Variants in MYO15B observed in about 807,000 individuals in gnomAD.
The protein encoded by MYO15B is myosin XVB.
In MYO15B, 207 loss-of-function variants were observed where a neutral mutation model predicts 119.3. That is an observed-to-expected ratio of 1.73 (90% CI 1.55 to 1.95). The LOEUF is 1.95. Ranked by LOEUF, MYO15B falls within the 30% of genes most tolerant of loss-of-function variation. The pLI, the probability that MYO15B is intolerant of heterozygous loss-of-function variation, is 0.00. For missense variants in MYO15B, 2,264 were observed against 1,203.1 expected, an observed-to-expected ratio of 1.88 and a Z score of -13.04; for synonymous variants, 966 against 498.9, an observed-to-expected ratio of 1.94 and a Z score of -12.48.
exon 36 of MYO15B, chr17:75,615,791 C>A (rs758002562): frequency 2.8e-6 from 2 of 702,486 alleles, no homozygotes; most frequent in Non-Finnish European, 5.2e-6. Flanking sequence ...CGTCCCAGGC[C>A]TCACCCTCAG....
At chr17:75,590,458 C>T (rs1238650792) in intron 1 of MYO15B, 168 bp from the exon 2 acceptor site, 4 of 395,774 alleles carry the variant, frequency 1.0e-5, no homozygotes, top group African/African-American at 2.1e-5. Context: ...TGGGTCAGAG[C>T]CAGCCCTCCT....
Position 75,614,589 on chromosome 17 carries a change from G to A in MYO15B, c.5388G>A (p.Glu1796=), listed in dbSNP as rs556596235. 3 of 700,914 alleles carry A rather than the reference G, an allele frequency of 4.3e-6. No homozygotes were observed. The East Asian group carries it at 8.0e-5, about 19-fold the overall frequency. The allele number at this position is 700,914 out of a possible 1,614,324, so 43.4% of individuals were successfully genotyped here. ...TGGATCCCGTTTCCTGCAGAGCCGA[G>A]GCCATTCCCCTTGCCCCTGGCATTC... Residue 1796 remains glutamate (E), a synonymous_variant, in exon 31 of 64, where the codon GAG becomes GAA. Coordinates refer to ENST00000645453, the Ensembl canonical transcript of MYO15B.
At chr17:75,596,701 T>C in intron 13 of MYO15B, 67 bp from the exon 14 acceptor site, 1 of 676,200 alleles carries the variant, frequency 1.5e-6, no homozygotes, top group Non-Finnish European at 2.7e-6. Context: ...AGCCTCAATG[T>C]ACTATTCTAT....
intron 44 of MYO15B, 44 bp downstream of exon 44, chr17:75,619,262 G>A (rs1034184245): frequency 2.8e-6 from 2 of 702,620 alleles, no homozygotes; most frequent in Non-Finnish European, 5.2e-6. Flanking sequence ...GAGTGCTGGG[G>A]GCCGCGCCTG....
At chr17:75,615,840 G>A in exon 36 of MYO15B, 1 of 701,926 alleles carries the variant, frequency 1.4e-6, no homozygotes, top group South Asian at 1.5e-5. Flanking sequence ...CACACCCCCG[G>A]AGAAGCCACA....
intron 21 of MYO15B, chr17:75,606,982 T>C (rs982177065): frequency 4.8e-5 from 19 of 398,506 alleles, no homozygotes; most frequent in African/African-American, 3.9e-4. Flanking sequence ...GTCTGCCTCA[T>C]CTACCCTTGG....
Position 75,594,802 on chromosome 17 carries a change from A to T in MYO15B, c.3165-38A>T, listed in dbSNP as rs759038233. 1.1e-4 allele frequency: 76 copies of T among 702,808 alleles called. No homozygotes were observed. In the Admixed American group the frequency reaches 1.1e-3, roughly 10 times the overall value. The allele number at this position is 702,808 out of a possible 1,614,324, so 43.5% of individuals were successfully genotyped here. A position where few individuals can be genotyped will look rare whatever the true frequency, so the allele number is the denominator to read the frequency against. On this transcript the variant is annotated intron_variant, in intron 11 of 63. Coordinates refer to ENST00000645453, the Ensembl canonical transcript of MYO15B. ...TGAGAGTCAGAGCAGGGCCCGAGGC[A>T]CGGCTCTATGTGGCTCACCCACCCG...
chr17:75,614,604 C>T (rs2058247648), exon 31 of MYO15B: 1 of 701,184 alleles, frequency 1.4e-6, no homozygotes, highest in South Asian at 1.5e-5. Flanking sequence ...TTCCCCTTGC[C>T]CCTGGCATTC....
intron 21 of MYO15B, among the ~76,000 whole-genome samples, chr17:75,608,726 T>TTTGTTG (rs141390322): frequency 4.9e-4 from 75 of 151,594 alleles, no homozygotes; most frequent in Non-Finnish European, 7.7e-4. Context: ...CCCGGCTAAT[T>TTTGTTG]TTGTTGTTGT....
chr17:75,609,295 C>T (rs2057854324), intron 21 of MYO15B, among the ~76,000 whole-genome samples: 1 of 151,668 alleles, frequency 6.6e-6, no homozygotes, highest in South Asian at 2.1e-4. Context: ...CCTCAGCCTC[C>T]CAAGTAGCTA....
At chr17:75,615,364 G>A (rs574827926) in intron 34 of MYO15B, 26 bp downstream of exon 34, 2 of 700,144 alleles carry the variant, frequency 2.9e-6, no homozygotes, top group African/African-American at 3.5e-5. Context: ...GGGCACCAGA[G>A]TCCCTTCTCA....
chr17:75,588,056 C>G (rs2056177512), exon 1 of MYO15B: 1 of 398,330 alleles, frequency 2.5e-6, no homozygotes, highest in Admixed American at 4.4e-5. Context: ...TTTGGGCCAG[C>G]CATGGGCAGG....
rs763427431 is a variant in MYO15B at position 75,616,824 on chromosome 17, C to A, written c.6506+39C>A. 38 of 702,938 alleles carry A rather than the reference C, an allele frequency of 5.4e-5. No individual in the cohort carries two copies. In the African/African-American group the frequency reaches 6.1e-4, roughly 11 times the overall value. 43.5% of individuals were successfully genotyped at this position (702,938 alleles called of 1,614,324 possible). A position where few individuals can be genotyped will look rare whatever the true frequency, so the allele number is the denominator to read the frequency against. The stretch of plus-strand genomic sequence containing the variant: ...GGGAGGTGGCCAGGGCTGTCCCGCT[C>A]CTCGGGGAATCACCCTATGAACTTA... On this transcript the variant is annotated intron_variant, in intron 39 of 63. Transcript: ENST00000645453.
At chr17:75,593,333 G>A (rs1027515575) in intron 9 of MYO15B, among the ~76,000 whole-genome samples, 6 of 151,538 alleles carry the variant, frequency 4.0e-5, no homozygotes, top group African/African-American at 1.5e-4. Flanking sequence ...GCAAAATCTT[G>A]TCTCTACAAA....
At chr17:75,624,297 G>GGGACAC (rs1243062978) in intron 56 of MYO15B, 28 bp downstream of exon 56, 1 of 702,868 alleles carries the variant, frequency 1.4e-6, no homozygotes, top group Admixed American at 2.0e-5. Context: ...TGGGCATTGT[G>GGGACAC]GGACACCCTG....
chr17:75,620,222 A>G (rs2148092888), intron 47 of MYO15B, 24 bp from the exon 48 acceptor site: 1 of 702,342 alleles, frequency 1.4e-6, no homozygotes, highest in East Asian at 2.7e-5. Context: ...TTGCTGCTCC[A>G]GGCCCTCGCC....
At chr17:75,596,400 C>T in intron 12 of MYO15B, 60 bp from the exon 13 acceptor site, 1 of 698,684 alleles carries the variant, frequency 1.4e-6, no homozygotes, top group Non-Finnish European at 2.6e-6. Context: ...ATGAAGGAAG[C>T]CTCTGGGGTG....
intron 53 of MYO15B, among the ~76,000 whole-genome samples, chr17:75,622,591 C>T (rs1822912679): frequency 6.6e-6 from 1 of 152,194 alleles, no homozygotes; most frequent in Non-Finnish European, 1.5e-5. Flanking sequence ...CCAGAGGATT[C>T]TGGAGAGAGA....
chr17:75,600,419 C>A (rs1482883081), intron 14 of MYO15B, among the ~76,000 whole-genome samples: 1 of 116,232 alleles, frequency 8.6e-6, no homozygotes, highest in Non-Finnish European at 1.8e-5. Flanking sequence ...TAAAGTGCCC[C>A]ATCCCCATTT....
Sources: gnomAD v4.1 joint callset for allele counts (sites outside exome capture counted in the v4.1 genomes callset) on GRCh38, gnomAD v4.1.1 for gene constraint, MANE v1.5 for transcripts, NCBI Gene and HGNC (gene_info 2026-07-23, HGNC 2026-07-21) for gene names.